ABCC1: variants seen among roughly 807,000 people sequenced by gnomAD.
ABCC1 encodes the protein ATP binding cassette subfamily C member 1 (ABCC1 blood group), also known as multidrug resistance-associated protein 1.
Under a neutral mutation model 172.9 loss-of-function variants are expected in ABCC1, and 83 were observed. The observed-to-expected ratio is 0.48, with a 90% CI of 0.40 to 0.58. The LOEUF (loss-of-function observed/expected upper bound fraction) is 0.58. Ranked by LOEUF, ABCC1 falls within the 20% of genes least tolerant of loss-of-function variation. The pLI, the probability that ABCC1 is intolerant of heterozygous loss-of-function variation, is 0.00. For synonymous variants in ABCC1, 937 were observed against 825.2 expected (o/e 1.14, Z -2.32); for missense variants, 1,817 against 2,002.7 (o/e 0.91, Z 1.77).
chr16:16,119,003 A>T (rs2152107560), intron 23 of ABCC1, among the ~76,000 whole-genome samples: 1 of 152,336 alleles, frequency 6.6e-6, no homozygotes, highest in East Asian at 1.9e-4. Context: ...GTGGAGAAAT[A>T]AATTGTGATA....
intron 5 of ABCC1, among the ~76,000 whole-genome samples, chr16:16,022,403 C>T (rs924257207): frequency 6.6e-6 from 1 of 152,104 alleles, no homozygotes; most frequent in African/African-American, 2.4e-5. Context: ...CAGTCTCCTG[C>T]CTTTTTTCTC....
intron 1 of ABCC1, among the ~76,000 whole-genome samples, chr16:15,977,140 C>T (rs45499796): frequency 1.3e-5 from 2 of 152,198 alleles, no homozygotes; most frequent in African/African-American, 2.4e-5. Context: ...GGGGTGTCTC[C>T]GAAGGAGTGT....
chr16:15,983,430 G>A (rs215060), intron 1 of ABCC1, among the ~76,000 whole-genome samples: 131,122 of 152,068 alleles, frequency 0.86, 56,788 homozygotes, highest in African/African-American at 0.91. Context: ...CCCTGTCTGC[G>A]GTTGGGAGGG....
intron 1 of ABCC1, among the ~76,000 whole-genome samples, chr16:15,951,996 G>T (rs1020242405): frequency 6.6e-6 from 1 of 152,154 alleles, no homozygotes; most frequent in African/African-American, 2.4e-5. Context: ...GGCTGTTTTT[G>T]TGTTTTTCAA....
chr16:16,096,924 AAAAAG>A (rs1355195698), intron 19 of ABCC1, among the ~76,000 whole-genome samples: 2 of 152,266 alleles, frequency 1.3e-5, no homozygotes, highest in African/African-American at 2.4e-5. Context: ...CTTTAAAAAA[AAAAAG>A]AAAGAACTCT....
At chr16:16,079,123 A>C (rs752068755) in intron 15 of ABCC1, among the ~76,000 whole-genome samples, 1 of 152,104 alleles carries the variant, frequency 6.6e-6, no homozygotes, top group Non-Finnish European at 1.5e-5. Flanking sequence ...TCACTTCTCT[A>C]AGGGACACCT....
At chr16:15,985,748 A>C (rs190682590) in intron 1 of ABCC1, among the ~76,000 whole-genome samples, 2 of 151,666 alleles carry the variant, frequency 1.3e-5, no homozygotes, top group African/African-American at 2.4e-5. Context: ...CCCAGTCTCT[A>C]TTGGTTTCTT....
chr16:16,131,750 C>G (rs770510804), intron 26 of ABCC1, 39 bp from the exon 27 acceptor site: 3 of 1,603,002 alleles, frequency 1.9e-6, no homozygotes, highest in East Asian at 2.2e-5. Flanking sequence ...ACCAGATGGA[C>G]TGGAAATTCC....
chr16:16,033,478 T>C (rs2048628815), intron 6 of ABCC1, among the ~76,000 whole-genome samples: 1 of 152,186 alleles, frequency 6.6e-6, no homozygotes, highest in African/African-American at 2.4e-5. Context: ...TTTTAAAATA[T>C]TAGGTATAGT....
chr16:16,099,773 G>T (rs2051642828), intron 19 of ABCC1, among the ~76,000 whole-genome samples: 1 of 152,154 alleles, frequency 6.6e-6, no homozygotes, highest in Non-Finnish European at 1.5e-5. Context: ...GGAAGAGGGA[G>T]AGCTGATCCC....
In ABCC1 at chr16:16,016,561, G is replaced by A. The variant is rs2151764079; in HGVS notation, c.555G>A (p.Gln185=). The part of the protein sequence containing the change: ...FYVYFSLLLI[Q]LVLSCFSDRS... ...TCTACTTTTCCCTCTTACTCATTCA[G>A]CTCGTCTTGTCCTGTTTCTCAGATC... The change falls in exon 5 of 31, where the codon CAG becomes CAA. Residue 185 remains glutamine, a synonymous_variant. Coordinates refer to ENST00000399410, the MANE Select transcript of ABCC1 (RefSeq NM_004996.4). 6.2e-7 allele frequency: 1 copy of A among 1,614,072 alleles called. No homozygotes were observed. The highest frequency in any genetic ancestry group is 2.2e-5 in the East Asian group (1 of 44,870).
chr16:16,103,674 C>T (rs547564046), intron 20 of ABCC1, among the ~76,000 whole-genome samples: 15 of 152,296 alleles, frequency 9.8e-5, no homozygotes, highest in East Asian at 9.6e-4. Context: ...TATCAGACCG[C>T]GGAGATCTGA....
chr16:16,079,243 C>A (rs1237942536), intron 15 of ABCC1, 109 bp from the exon 16 acceptor site: 1 of 1,502,238 alleles, frequency 6.7e-7, no homozygotes. Flanking sequence ...GTCTTGCCTT[C>A]TGTCTTTCTC....
chr16:16,030,381 C>T (rs989076972), intron 5 of ABCC1, among the ~76,000 whole-genome samples: 5 of 152,010 alleles, frequency 3.3e-5, no homozygotes, highest in South Asian at 2.1e-4. Flanking sequence ...AAACATTAGC[C>T]CAGTGTGGTG....
In ABCC1 at chr16:15,952,292, T is replaced by C. The variant is rs2045891170; in HGVS notation, c.48+2493T>C. ...TTAAGCTCCTTGTTCTTCCTTTGGA[T>C]TCCCCTTTTCTTCAGCTGGTGGAGA... On this transcript the variant is annotated intron_variant, in intron 1 of 30. Transcript: ENST00000399410. Among the ~76,000 whole-genome samples the C allele has an allele frequency of 3.9e-5, 6 of 152,314 alleles. No individual in the cohort carries two copies. In the South Asian group the frequency reaches 1.2e-3, roughly 32 times the overall value.
chr16:16,036,114 A>T (rs1249508642), intron 6 of ABCC1, among the ~76,000 whole-genome samples: 1 of 152,000 alleles, frequency 6.6e-6, no homozygotes, highest in Non-Finnish European at 1.5e-5. Context: ...ACACAGCGAG[A>T]CCCTCTCTCC....
intron 1 of ABCC1, among the ~76,000 whole-genome samples, chr16:15,954,054 C>T (rs1167349141): frequency 7.1e-6 from 1 of 140,164 alleles, no homozygotes; most frequent in African/African-American, 2.7e-5. Context: ...GTCGCCCAGG[C>T]TAGGGTGCAG....
intron 5 of ABCC1, among the ~76,000 whole-genome samples, chr16:16,025,494 A>G (rs2048338712): frequency 6.6e-6 from 1 of 152,160 alleles, no homozygotes; most frequent in Admixed American, 6.5e-5. Flanking sequence ...TCTAAACATT[A>G]TTGCTGCTGC....
intron 2 of ABCC1, among the ~76,000 whole-genome samples, chr16:16,008,715 T>C (rs941763747): frequency 2.6e-5 from 4 of 151,600 alleles, no homozygotes; most frequent in African/African-American, 9.7e-5. Context: ...TGGTGGCATG[T>C]GCCTGTAATC....
Sources: gnomAD v4.1 joint callset for allele counts (sites outside exome capture counted in the v4.1 genomes callset) on GRCh38, gnomAD v4.1.1 for gene constraint, MANE v1.5 for transcripts, NCBI Gene and HGNC (gene_info 2026-07-23, HGNC 2026-07-21) for gene names.